Variants in MBOAT7 observed in about 807,000 individuals in gnomAD.
MBOAT7 encodes the protein membrane bound acylglycerophosphatidylinositol O-acyltransferase MBOAT7.
Under a neutral mutation model 47.4 loss-of-function variants are expected in MBOAT7, and 40 were observed. The observed-to-expected ratio is 0.84, with a 90% CI of 0.66 to 1.10. The LOEUF (loss-of-function observed/expected upper bound fraction) is 1.10, where lower values mean the gene tolerates loss of function less well. MBOAT7 is among the 50% of genes least tolerant of loss of function. MBOAT7 has a pLI of 0.00. For synonymous variants in MBOAT7, 361 were observed against 292.0 expected (o/e 1.24, Z -2.41); for missense variants, 680 against 655.6 (o/e 1.04, Z -0.41).
chr19:54,187,089 A>G, intron 4 of MBOAT7, 72 bp downstream of exon 4: 1 of 1,491,606 alleles, frequency 6.7e-7, no homozygotes, highest in Non-Finnish European at 8.9e-7. Flanking sequence ...GAGCCACTGA[A>G]GGGGGAGGTA....
At position 54,187,109 on chromosome 19, in the gene MBOAT7, G is replaced by A. The variant is rs2076447599; in HGVS notation, c.333+52C>T. The A allele has an allele frequency of 2.6e-6, 4 of 1,518,902 alleles. No homozygotes were observed. The African/African-American group carries it at 4.1e-5, about 16-fold the overall frequency. 94.1% of individuals were successfully genotyped at this position (1,518,902 alleles called of 1,614,324 possible). A position where few individuals can be genotyped will look rare whatever the true frequency, so the allele number is the denominator to read the frequency against. ...ACTGAAGGGGGAGGTAAAGTGGGAG[G>A]TGAAGGGGCCCACAGGGAGGCTGGA... On this transcript the variant is annotated intron_variant, in intron 4 of 7. Coordinates refer to ENST00000245615, the MANE Select transcript of MBOAT7 (RefSeq NM_024298.5).
At chr19:54,177,151 A>AAATACT (rs71195744) in intron 7 of MBOAT7, among the ~76,000 whole-genome samples, 37,375 of 145,964 alleles carry the variant, frequency 0.26, 4,948 homozygotes, top group South Asian at 0.32. Context: ...CAGAGCATCA[A>AAATACT]AATACTAATA....
At chr19:54,175,004 C>T (rs570085098) in intron 7 of MBOAT7, among the ~76,000 whole-genome samples, 1 of 133,734 alleles carries the variant, frequency 7.5e-6, no homozygotes, top group Non-Finnish European at 1.6e-5. Flanking sequence ...GAGACAGAGT[C>T]TCGCTCTGTC....
intron 3 of MBOAT7, among the ~76,000 whole-genome samples, 197 bp downstream of exon 3, chr19:54,188,020 A>G (rs1300408986): frequency 1.9e-4 from 12 of 62,520 alleles, no homozygotes; most frequent in Non-Finnish European, 2.8e-4. Flanking sequence ...CATCTCAGAA[A>G]GAAAGAAAGA....
intron 4 of MBOAT7, 149 bp downstream of exon 4, chr19:54,187,012 G>A: frequency 1.0e-6 from 1 of 956,998 alleles, no homozygotes; most frequent in Non-Finnish European, 1.5e-6. Flanking sequence ...AATGGGGAAT[G>A]CTGTGCCCAG....
chr19:54,179,116 A>T, intron 6 of MBOAT7, 175 bp from the exon 7 acceptor site: 14 of 790,384 alleles, frequency 1.8e-5, no homozygotes, highest in East Asian at 5.4e-5. Flanking sequence ...GGGTGCCTGT[A>T]GGGTAGGAAG....
At position 54,178,810 on chromosome 19, in the gene MBOAT7, G is replaced by A. The variant is rs143957744; in HGVS notation, c.986C>T (p.Ala329Val). ...AGGTGCGCTCTTGTAGATATACTGC[G>A]CCAGCCACCACTGCACCGTCATGTT... ...YWNMTVQWWL[A>V]QYIYKSAPAR... Residue 329 changes from alanine (A) to valine (V), a missense_variant, in exon 7 of 8, where the codon GCG becomes GTG. Coordinates refer to ENST00000245615, the MANE Select transcript of MBOAT7 (RefSeq NM_024298.5). The A allele has an allele frequency of 8.7e-6, 14 of 1,612,792 alleles. No individual in the cohort carries two copies. Among genetic ancestry groups the A allele is most frequent in the South Asian group, 1.1e-5 (1 of 91,084 alleles).
chr19:54,177,008 G>A (rs531520138), intron 7 of MBOAT7, among the ~76,000 whole-genome samples: 1 of 152,138 alleles, frequency 6.6e-6, no homozygotes, highest in Non-Finnish European at 1.5e-5. Flanking sequence ...GATCACTTGA[G>A]GCCAAGAGTT....
chr19:54,178,695 C>A, intron 7 of MBOAT7, 70 bp downstream of exon 7: 1 of 1,568,658 alleles, frequency 6.4e-7, no homozygotes, highest in Non-Finnish European at 8.7e-7. Context: ...AGGGACGCTG[C>A]AGGCTACCCT....
At chr19:54,177,247 A>G (rs2076133644) in intron 7 of MBOAT7, among the ~76,000 whole-genome samples, 1 of 151,940 alleles carries the variant, frequency 6.6e-6, no homozygotes, top group Non-Finnish European at 1.5e-5. Context: ...ACATTTATCT[A>G]ATTAAATTAA....
At chr19:54,178,718 G>C (rs762285016) in intron 7 of MBOAT7, 47 bp downstream of exon 7, 1 of 1,599,482 alleles carries the variant, frequency 6.3e-7, no homozygotes, top group East Asian at 2.2e-5. Flanking sequence ...GGCCTGCTGG[G>C]AGATGTAGTT....
intron 6 of MBOAT7, chr19:54,179,536 CT>C (rs2076208576): frequency 6.5e-6 from 1 of 153,716 alleles, no homozygotes; most frequent in South Asian, 2.0e-4. Context: ...AATACAGTGG[CT>C]CCCTCATCAC....
At position 54,180,924 on chromosome 19, in the gene MBOAT7, T is replaced by C. The variant is rs748911292; in HGVS notation, c.703A>G (p.Ile235Val). 1.9e-6 allele frequency: 3 copies of C among 1,597,684 alleles called. No homozygotes were observed. The East Asian group carries it at 6.8e-5, about 36-fold the overall frequency. Residue 235 changes from isoleucine to valine, a missense_variant, in exon 6 of 8, where the codon ATC becomes GTC. Transcript: ENST00000245615. This position sits in a 1 kb window ranked among gnomAD's most constrained non-coding sequence, Gnocchi z 5.2. ...RPLPARLFYMIPVFFAFRMRF... is the reference protein window; with the variant it reads ...RPLPARLFYMVPVFFAFRMRF... ...ATGCGGAAGGCGAAGAAGACGGGGATCATGTAGAAGAGGCGGGCGGGCAGC... is the reference window on the plus strand; with the variant it reads ...ATGCGGAAGGCGAAGAAGACGGGGACCATGTAGAAGAGGCGGGCGGGCAGC...
intron 4 of MBOAT7, among the ~76,000 whole-genome samples, chr19:54,185,083 G>C (rs1180365556): frequency 6.6e-6 from 1 of 151,436 alleles, no homozygotes; most frequent in Non-Finnish European, 1.5e-5. Flanking sequence ...GGTGGTGGGC[G>C]CCTGTAGTCC....
rs1444939886 is a variant in MBOAT7 at position 54,184,162 on chromosome 19, T to C, written c.334-482A>G. ...AATCCGATCCTTTAATCTCTCTCTC[T>C]TTTTTTTTTTTTTTTTTTTTGAGAC... On this transcript the variant is annotated intron_variant, in intron 4 of 7. Transcript: ENST00000245615. Among the ~76,000 whole-genome samples, 307 of 69,160 alleles carry C rather than the reference T, an allele frequency of 4.4e-3. 1 individual carries two copies. Among genetic ancestry groups the C allele is most frequent in the Non-Finnish European group, 6.6e-3 (239 of 36,048 alleles). 45.4% of individuals were successfully genotyped at this position (69,160 alleles called of 152,430 possible). A position where few individuals can be genotyped will look rare whatever the true frequency, so the allele number is the denominator to read the frequency against.
Position 54,182,998 on chromosome 19 carries a change from G to GA in MBOAT7, c.493+522_493+523insT, listed in dbSNP as rs1466333368. On this transcript the variant is annotated intron_variant, in intron 5 of 7. Transcript: ENST00000245615. ...TTACAGGCGTGAGCCACTGCGCCCG[G>GA]CCCTTTAATTTTATATTTATTTATT... 5.4e-5 allele frequency among the ~76,000 whole-genome samples: 3 copies of GA among 55,526 alleles called. No individual in the cohort carries two copies. The Admixed American group carries it at 5.5e-4, about 10-fold the overall frequency. The allele number at this position is 55,526 out of a possible 152,430, so 36.4% of individuals were successfully genotyped here.
intron 4 of MBOAT7, 39 bp from the exon 5 acceptor site, chr19:54,183,719 C>A: frequency 6.7e-7 from 1 of 1,496,386 alleles, no homozygotes. Context: ...AGGTCAGACT[C>A]TGGGCCCTTC....
intron 7 of MBOAT7, among the ~76,000 whole-genome samples, chr19:54,175,179 C>A (rs11669083): frequency 4.5e-4 from 68 of 152,194 alleles, no homozygotes; most frequent in East Asian, 9.7e-4. Context: ...GGGGTTTCAC[C>A]GTGTTAGCCA....
At chr19:54,178,513 GACTCAGT>G in intron 7 of MBOAT7, 1 of 1,400,316 alleles carries the variant, frequency 7.1e-7, no homozygotes, top group Non-Finnish European at 9.2e-7. Context: ...GAGTCCACAG[GACTCAGT>G]ACATTGCTTC....
Sources: gnomAD v4.1 joint callset for allele counts (sites outside exome capture counted in the v4.1 genomes callset) on GRCh38, gnomAD v4.1.1 for gene constraint, Gnocchi (gnomAD v3.1) non-coding constraint, MANE v1.5 for transcripts, NCBI Gene and HGNC (gene_info 2026-07-23, HGNC 2026-07-21) for gene names.